Variants in SLC22A23 observed in about 807,000 individuals in gnomAD.
The protein encoded by SLC22A23 is ion transporter protein.
A neutral mutation model predicts 61.0 loss-of-function variants in SLC22A23; 26 were observed. That is an observed-to-expected ratio of 0.43 (90% CI 0.31 to 0.59). SLC22A23 has a LOEUF of 0.59. SLC22A23 is among the 20% of genes least tolerant of loss of function. The pLI is 0.11. For synonymous variants in SLC22A23, 430 were observed against 413.9 expected (o/e 1.04, Z -0.47); for missense variants, 796 against 934.7 (o/e 0.85, Z 1.94).
chr6:3,279,536 A>AAAAAAAAAAAAAAAAAC, intron 9 of SLC22A23, among the ~76,000 whole-genome samples: 1 of 146,950 alleles, frequency 6.8e-6, no homozygotes, highest in Non-Finnish European at 1.5e-5. Context: ...AAAAAAAAAA[A>AAAAAAAAAAAAAAAAAC]TCCTTGACAT....
At chr6:3,273,497 C>A in intron 9 of SLC22A23, 85 bp from the exon 10 acceptor site, 1 of 1,465,476 alleles carries the variant, frequency 6.8e-7, no homozygotes, top group Non-Finnish European at 9.3e-7. Flanking sequence ...CAGGAAGCCA[C>A]CTCTGCAGGG....
chr6:3,289,674 G>A (rs1760388970), intron 6 of SLC22A23, 90 bp downstream of exon 6: 1 of 1,018,246 alleles, frequency 9.8e-7, no homozygotes, highest in East Asian at 2.5e-5. Flanking sequence ...AAGTTCAGCG[G>A]GGTGGGGAGC....
At chr6:3,394,069 C>T (rs140943079) in intron 3 of SLC22A23, among the ~76,000 whole-genome samples, 2 of 152,292 alleles carry the variant, frequency 1.3e-5, no homozygotes, top group African/African-American at 4.8e-5. Context: ...AAATAAGATC[C>T]GGCAGTGACC....
intron 4 of SLC22A23, among the ~76,000 whole-genome samples, chr6:3,310,465 G>T (rs1039164444): frequency 6.9e-6 from 1 of 144,832 alleles, no homozygotes; most frequent in Non-Finnish European, 1.5e-5. Context: ...CTGATGCACC[G>T]CAGGGTAACT....
At chr6:3,373,286 G>A (rs2127465306) in intron 3 of SLC22A23, among the ~76,000 whole-genome samples, 1 of 152,368 alleles carries the variant, frequency 6.6e-6, no homozygotes, top group South Asian at 2.1e-4. Context: ...CACATCCTGT[G>A]TGACTCCGCT....
chr6:3,353,978 C>G (rs78845737), intron 3 of SLC22A23, among the ~76,000 whole-genome samples: 5,089 of 152,324 alleles, frequency 0.033, 308 homozygotes, highest in African/African-American at 0.12. Context: ...TCTAAGAAGG[C>G]ACAAGGAAAA....
Position 3,318,028 on chromosome 6 carries a change from A to C in SLC22A23, c.1082+5806T>G, listed in dbSNP as rs372023841. Among the ~76,000 whole-genome samples, 50 of 152,250 alleles carry C rather than the reference A, an allele frequency of 3.3e-4. No homozygotes were observed. The East Asian group carries it at 7.4e-3, about 22-fold the overall frequency. The stretch of plus-strand genomic sequence containing the variant: ...TGTGTCCCATCTTCCTTGCATCACC[A>C]GAGACTCCTGTGCTCACTGCACCCC... On this transcript the variant is annotated intron_variant, in intron 4 of 9. Coordinates refer to ENST00000406686, the MANE Select transcript of SLC22A23 (RefSeq NM_015482.2). The surrounding 1 kb of genome is among the most constrained non-coding windows in gnomAD (Gnocchi z 4.3).
intron 5 of SLC22A23, among the ~76,000 whole-genome samples, chr6:3,293,393 C>G (rs1760788834): frequency 1.3e-5 from 2 of 152,258 alleles, no homozygotes; most frequent in African/African-American, 4.8e-5. Flanking sequence ...CCTGCTGCCT[C>G]TTCCCCACAG....
At chr6:3,402,534 G>A (rs867536567) in intron 3 of SLC22A23, among the ~76,000 whole-genome samples, 2 of 136,610 alleles carry the variant, frequency 1.5e-5, no homozygotes, top group Admixed American at 7.3e-5. Flanking sequence ...TACACAGAGT[G>A]CACTAGGCTG....
rs930650702 is a variant in SLC22A23 at position 3,414,492 on chromosome 6, G to T, written c.758+1260C>A. Among the ~76,000 whole-genome samples, 8 of 152,060 alleles carry T rather than the reference G, an allele frequency of 5.3e-5. No homozygotes were observed. Among genetic ancestry groups the T allele is most frequent in the Admixed American group, 2.6e-4 (4 of 15,272 alleles). On this transcript the variant is annotated intron_variant, in intron 2 of 9. Transcript: ENST00000406686. This position sits in a 1 kb window ranked among gnomAD's most constrained non-coding sequence, Gnocchi z 5.1. ...CAAATCATGATGAGGCAGATGTCAA[G>T]CACACAGGAAATCACATTACATGTC...
In SLC22A23 at chr6:3,333,603, T is replaced by C. The variant is rs1194702568; in HGVS notation, c.914-9601A>G. On this transcript the variant is annotated intron_variant, in intron 3 of 9. Transcript: ENST00000406686. This position sits in a 1 kb window ranked among gnomAD's most constrained non-coding sequence, Gnocchi z 4.1. ...ATATCTCCCTCCTCCTTTTCTCAGG[T>C]CTCTAAGAGCCATCTTGCCCAGAAG... Among the ~76,000 whole-genome samples, 3 of 152,118 alleles carry C rather than the reference T, an allele frequency of 2.0e-5. No homozygotes were observed. The highest frequency in any genetic ancestry group is 7.2e-5 in the African/African-American group (3 of 41,432).
intron 3 of SLC22A23, among the ~76,000 whole-genome samples, chr6:3,382,355 C>T (rs1767003718): frequency 6.6e-6 from 1 of 152,256 alleles, no homozygotes; most frequent in African/African-American, 2.4e-5. Context: ...ACGTAGTTTA[C>T]AATGCATAAC....
intron 3 of SLC22A23, among the ~76,000 whole-genome samples, chr6:3,391,355 G>A (rs1004347745): frequency 1.3e-5 from 2 of 152,334 alleles, no homozygotes; most frequent in East Asian, 3.9e-4. Context: ...GAGGCTTTGT[G>A]AGAAATCTCA....
chr6:3,429,358 G>A (rs995598328), intron 1 of SLC22A23, among the ~76,000 whole-genome samples: 1 of 152,206 alleles, frequency 6.6e-6, no homozygotes, highest in African/African-American at 2.4e-5. Flanking sequence ...CTAAGGAAAT[G>A]ATCTGCAAAA....
rs1758485661 is a variant in SLC22A23, at chr6:3,271,696, C to T, written c.*1359G>A. 1.3e-5 allele frequency: 2 copies of T among 152,450 alleles called. No individual in the cohort carries two copies. Among genetic ancestry groups the T allele is most frequent in the South Asian group, 2.1e-4 (1 of 4,824 alleles). 9.4% of individuals were successfully genotyped at this position (152,450 alleles called of 1,614,324 possible). On this transcript the variant is annotated 3_prime_UTR_variant, in exon 10 of 10. Transcript: ENST00000406686. Reference sequence around the variant, plus strand: ...GCTACAAAGTGGTGCCTGCCCTTGCCAAGGAGGCTGTCTCTTAGTCGCCTT... The same window carrying T: ...GCTACAAAGTGGTGCCTGCCCTTGCTAAGGAGGCTGTCTCTTAGTCGCCTT...
intron 3 of SLC22A23, among the ~76,000 whole-genome samples, chr6:3,338,187 T>C (rs965324452): frequency 6.6e-6 from 1 of 152,258 alleles, no homozygotes; most frequent in East Asian, 1.9e-4. Context: ...AATCATGTAT[T>C]GCTTTCTGTT....
rs1464847436 is a variant in SLC22A23 at position 3,318,864 on chromosome 6, T to C, written c.1082+4970A>G. On this transcript the variant is annotated intron_variant, in intron 4 of 9. Transcript: ENST00000406686. This position sits in a 1 kb window ranked among gnomAD's most constrained non-coding sequence, Gnocchi z 4.3. ...CCCCATCTCAGGAAACAGACCCAGC[T>C]GCCATCACTGCCTCCTCTCTCACCT... Among the ~76,000 whole-genome samples the C allele has an allele frequency of 6.6e-6, 1 of 152,140 alleles. No homozygotes were observed. Among genetic ancestry groups the C allele is most frequent in the East Asian group, 1.9e-4 (1 of 5,180 alleles).
intron 9 of SLC22A23, among the ~76,000 whole-genome samples, chr6:3,275,460 A>C (rs867766371): frequency 1.3e-5 from 2 of 152,252 alleles, no homozygotes; most frequent in Non-Finnish European, 2.9e-5. Flanking sequence ...GAAAAAGCTG[A>C]TCAATTGGAC....
intron 9 of SLC22A23, among the ~76,000 whole-genome samples, chr6:3,273,649 C>T (rs1226019736): frequency 1.3e-5 from 2 of 152,318 alleles, no homozygotes; most frequent in East Asian, 1.9e-4. Context: ...CTTAATTTAT[C>T]TTTTTCTTTA....
Sources: gnomAD v4.1 joint callset for allele counts (sites outside exome capture counted in the v4.1 genomes callset) on GRCh38, gnomAD v4.1.1 for gene constraint, Gnocchi (gnomAD v3.1) non-coding constraint, MANE v1.5 for transcripts, NCBI Gene and HGNC (gene_info 2026-07-23, HGNC 2026-07-21) for gene names.